ATP6V0A4: variants seen among roughly 807,000 people sequenced by gnomAD.
ATP6V0A4 encodes ATPase H+ transporting V0 subunit a4, also known as V-type proton ATPase 116 kDa subunit a 4.
In ATP6V0A4, 86 loss-of-function variants were observed where a neutral mutation model predicts 107.3. The observed-to-expected ratio is 0.80, with a 90% confidence interval of 0.67 to 0.96. The LOEUF is 0.96. ATP6V0A4 is among the 40% of genes least tolerant of loss of function. The pLI, the probability that ATP6V0A4 is intolerant of heterozygous loss-of-function variation, is 0.00. For synonymous variants in ATP6V0A4, 353 were observed against 381.4 expected (o/e 0.93, Z 0.87); for missense variants, 908 against 1,045.6 (o/e 0.87, Z 1.81).
At position 138,729,914 on chromosome 7, in the gene ATP6V0A4, C is replaced by T. The variant is rs556530022; in HGVS notation, c.1909-1052G>A. 3.3e-5 allele frequency among the ~76,000 whole-genome samples: 5 copies of T among 152,170 alleles called. No homozygotes were observed. The South Asian group carries it at 6.2e-4, about 19-fold the overall frequency. ...AACTTTTTTTTTTGAGATGGAGTCT[C>T]GCTCTGTTGCCTAGGCTGGAGTGCA... On this transcript the variant is annotated intron_variant, in intron 17 of 21. Transcript: ENST00000310018.
Position 138,715,847 on chromosome 7 carries a change from A to G in ATP6V0A4, c.2174T>C (p.Ile725Thr). ...GCCCAGGCAGTACTCGATGGTGTGG[A>G]TGGCTTGGTGGACAAAGACGTCTCC... ...NFGDVFVHQAIHTIEYCLGCI... is the reference protein window; with the variant it reads ...NFGDVFVHQATHTIEYCLGCI... The change falls in exon 20 of 22, where the codon ATC becomes ACC. Residue 725 changes from isoleucine (I) to threonine (T), a missense_variant. By Grantham distance (89) the Ile-to-Thr change is moderately conservative (BLOSUM62 -1). Coordinates refer to ENST00000310018, the MANE Select transcript of ATP6V0A4 (RefSeq NM_020632.3). 1 of 1,613,732 alleles carries G rather than the reference A, an allele frequency of 6.2e-7. No homozygotes were observed. Among genetic ancestry groups the G allele is most frequent in the East Asian group, 2.2e-5 (1 of 44,862 alleles).
chr7:138,727,112 C>CAA (rs138365622), intron 18 of ATP6V0A4, among the ~76,000 whole-genome samples: 18 of 103,054 alleles, frequency 1.7e-4, no homozygotes, highest in Non-Finnish European at 2.0e-4. Context: ...GAGCTCATCT[C>CAA]AAAAAAAAAA....
intron 8 of ATP6V0A4, among the ~76,000 whole-genome samples, chr7:138,758,383 T>C (rs1235731048): frequency 2.0e-5 from 3 of 152,222 alleles, no homozygotes; most frequent in African/African-American, 7.2e-5. Context: ...ATTTTTTTCA[T>C]AATCTTTCTT....
At chr7:138,749,360 T>A (rs762374054) in intron 11 of ATP6V0A4, 43 bp from the exon 12 acceptor site, 6 of 1,597,828 alleles carry the variant, frequency 3.8e-6, no homozygotes, top group Non-Finnish European at 5.1e-6. Flanking sequence ...AGGAGAAGAG[T>A]CTTGGGCTGG....
At chr7:138,784,382 A>ATG (rs1563021179) in intron 2 of ATP6V0A4, among the ~76,000 whole-genome samples, 5 of 144,286 alleles carry the variant, frequency 3.5e-5, no homozygotes, top group Non-Finnish European at 7.5e-5. Context: ...GCAGTGGCGC[A>ATG]ATCTTGGCTC....
Position 138,747,549 on chromosome 7 carries a change from A to C in ATP6V0A4, c.1196T>G (p.Ile399Ser). The change falls in exon 13 of 22, where the codon ATC becomes AGC. Residue 399 changes from isoleucine (I) to serine (S), a missense_variant. Physicochemically the swap from Ile to Ser is moderately radical, Grantham distance 142. Transcript: ENST00000310018. Reference sequence around the variant, plus strand: ...CACAGCGAACAGGAAGGGGAAAGTGATGATGGTGTAGGGGGCTGCGGAGGG... The same window carrying C: ...CACAGCGAACAGGAAGGGGAAAGTGCTGATGGTGTAGGGGGCTGCGGAGGG... ...REINPAPYTI[I>S]TFPFLFAVMF... The C allele has an allele frequency of 1.2e-6, 2 of 1,614,136 alleles. No individual in the cohort carries two copies. Among genetic ancestry groups the C allele is most frequent in the Non-Finnish European group, 1.7e-6 (2 of 1,180,018 alleles).
At chr7:138,765,207 C>A (rs1165642215) in intron 5 of ATP6V0A4, among the ~76,000 whole-genome samples, 2 of 152,240 alleles carry the variant, frequency 1.3e-5, no homozygotes, top group Admixed American at 6.5e-5. Flanking sequence ...CAAACACACA[C>A]AAGCAGCGTG....
intron 15 of ATP6V0A4, among the ~76,000 whole-genome samples, chr7:138,734,912 C>T (rs1030941453): frequency 4.6e-5 from 7 of 152,060 alleles, no homozygotes; most frequent in African/African-American, 1.7e-4. Flanking sequence ...TTAATAACAC[C>T]ACCTCTTACT....
intron 2 of ATP6V0A4, among the ~76,000 whole-genome samples, chr7:138,776,155 A>G (rs930554065): frequency 6.6e-6 from 1 of 152,168 alleles, no homozygotes; most frequent in Non-Finnish European, 1.5e-5. Context: ...ATACTTGTGC[A>G]TGATCAAATT....
intron 18 of ATP6V0A4, among the ~76,000 whole-genome samples, chr7:138,726,165 A>AT (rs1180639089): frequency 5.3e-5 from 8 of 151,676 alleles, no homozygotes; most frequent in Admixed American, 5.3e-4. Context: ...AATTTTTTGT[A>AT]TTTTTAGTAG....
At chr7:138,743,563 C>G (rs1805748599) in intron 14 of ATP6V0A4, among the ~76,000 whole-genome samples, 1 of 152,166 alleles carries the variant, frequency 6.6e-6, no homozygotes, top group Non-Finnish European at 1.5e-5. Flanking sequence ...ATTCTGTCCC[C>G]CATTTATGAC....
chr7:138,745,333 C>A, intron 13 of ATP6V0A4, 53 bp from the exon 14 acceptor site: 1 of 1,611,478 alleles, frequency 6.2e-7, no homozygotes, highest in Non-Finnish European at 8.5e-7. Context: ...GAAGCAGACC[C>A]CAGAGGGAAG....
At chr7:138,739,798 T>C in intron 14 of ATP6V0A4, 165 bp from the exon 15 acceptor site, 1 of 740,348 alleles carries the variant, frequency 1.4e-6, no homozygotes, top group Non-Finnish European at 1.6e-6. Context: ...TCCTAAACAC[T>C]GAGGCTACAA....
At chr7:138,715,018 G>A (rs577685886) in intron 20 of ATP6V0A4, among the ~76,000 whole-genome samples, 2 of 152,314 alleles carry the variant, frequency 1.3e-5, no homozygotes, top group East Asian at 3.9e-4. Flanking sequence ...GATGCTGGAA[G>A]CAGAGGTTGA....
intron 12 of ATP6V0A4, among the ~76,000 whole-genome samples, chr7:138,748,110 C>T (rs1806048174): frequency 6.6e-6 from 1 of 151,596 alleles, no homozygotes; most frequent in Non-Finnish European, 1.5e-5. Context: ...CTTACAGAAG[C>T]TAAGTGACTT....
At chr7:138,722,473 T>C (rs1410065550) in intron 18 of ATP6V0A4, among the ~76,000 whole-genome samples, 1 of 151,916 alleles carries the variant, frequency 6.6e-6, no homozygotes, top group Non-Finnish European at 1.5e-5. Flanking sequence ...AAGACTAGCG[T>C]GGCCAACATG....
At chr7:138,746,000 A>AACAATATATATTT (rs1584920517) in intron 13 of ATP6V0A4, among the ~76,000 whole-genome samples, 1 of 89,356 alleles carries the variant, frequency 1.1e-5, no homozygotes, top group African/African-American at 3.9e-5. Flanking sequence ...TATAAATATA[A>AACAATATATATTT]ATAATATATA....
chr7:138,729,432 G>A (rs975379976), intron 17 of ATP6V0A4, among the ~76,000 whole-genome samples: 2 of 152,096 alleles, frequency 1.3e-5, no homozygotes, highest in African/African-American at 4.8e-5. Flanking sequence ...CCTTCCATGT[G>A]GGCAATTTAC....
intron 1 of ATP6V0A4, among the ~76,000 whole-genome samples, chr7:138,795,132 C>A (rs1808597631): frequency 6.6e-6 from 1 of 152,096 alleles, no homozygotes; most frequent in South Asian, 2.1e-4. Context: ...GAACTCCTGA[C>A]CTCAAATGAG....
Sources: gnomAD v4.1 joint callset for allele counts (sites outside exome capture counted in the v4.1 genomes callset) on GRCh38, gnomAD v4.1.1 for gene constraint, MANE v1.5 for transcripts, NCBI Gene and HGNC (gene_info 2026-07-23, HGNC 2026-07-21) for gene names.